The following NDUFA12 variants were observed in gnomAD, a reference collection of about 807,000 sequenced individuals.
NDUFA12 encodes the protein NADH dehydrogenase [ubiquinone] 1 alpha subcomplex subunit 12.
NDUFA12 carries 17 observed loss-of-function variants against 20.3 expected under a neutral mutation model. The observed-to-expected ratio is 0.84, with a 90% CI of 0.57 to 1.26. The LOEUF is 1.26. Among genes scored for constraint, NDUFA12 ranks in the 50% most tolerant of loss-of-function variants. NDUFA12 has a pLI of 0.00. For missense variants in NDUFA12, 191 were observed against 183.7 expected (o/e 1.04, Z -0.23); for synonymous variants, 72 against 63.6 (o/e 1.13, Z -0.63).
At chr12:94,990,379 T>C (rs1874598876) in intron 3 of NDUFA12, among the ~76,000 whole-genome samples, 1 of 152,158 alleles carries the variant, frequency 6.6e-6, no homozygotes, top group Non-Finnish European at 1.5e-5. Context: ...TGATGTAGCA[T>C]GAGAAAGCTC....
Position 95,003,634 on chromosome 12 carries a change from C to G in NDUFA12, c.47G>C (p.Gly16Ala). 6.2e-7 allele frequency: 1 copy of G among 1,614,198 alleles called. No individual in the cohort carries two copies. The highest frequency in any genetic ancestry group is 8.5e-7 in the Non-Finnish European group (1 of 1,180,032). Residue 16 changes from glycine to alanine, a missense_variant, in exon 1 of 4, where the codon GGC (glycine) becomes GCC (alanine). Gly to Ala is a moderately conservative substitution (Grantham distance 60). Transcript: ENST00000327772. ...TAGATAGCCTCGGAGACCGCCGTGG[C>G]CGGTGATCTGCTGCAGCCCGCGTTT... ...VLKRGLQQIT[G>A]HGGLRGYLRV...
chr12:95,001,449 G>A lies in NDUFA12; in HGVS notation c.169+1290C>T, dbSNP rs536711982. Among the ~76,000 whole-genome samples the A allele has an allele frequency of 5.3e-5, 8 of 151,908 alleles. No homozygotes were observed. The South Asian group carries it at 1.7e-3, about 32-fold the overall frequency. The stretch of plus-strand genomic sequence containing the variant: ...AGCCTAAGAAACATAGCAAGACCTC[G>A]TCTCTCCAAAAAAAAATTTTTTTAA... On this transcript the variant is annotated intron_variant, in intron 2 of 3. Coordinates refer to ENST00000327772, the MANE Select transcript of NDUFA12 (RefSeq NM_018838.5).
At chr12:94,978,542 T>C (rs1874134000) in intron 3 of NDUFA12, among the ~76,000 whole-genome samples, 1 of 152,124 alleles carries the variant, frequency 6.6e-6, no homozygotes, top group African/African-American at 2.4e-5. Flanking sequence ...ATTTGAAGAA[T>C]TGAAAAAACT....
intron 3 of NDUFA12, among the ~76,000 whole-genome samples, chr12:94,984,875 G>A (rs1219998355): frequency 6.6e-6 from 1 of 150,908 alleles, no homozygotes; most frequent in Non-Finnish European, 1.5e-5. Context: ...CTACTCGGGC[G>A]GCTGAGGCAG....
At chr12:94,983,428 T>C (rs2860598) in intron 3 of NDUFA12, among the ~76,000 whole-genome samples, 135,762 of 152,252 alleles carry the variant, frequency 0.89, 60,799 homozygotes, top group African/African-American at 0.97. Flanking sequence ...TGTCAAGAGG[T>C]GGCCTGTGCA....
intron 3 of NDUFA12, among the ~76,000 whole-genome samples, chr12:94,975,999 G>C (rs1383072845): frequency 1.3e-5 from 2 of 152,056 alleles, no homozygotes; most frequent in East Asian, 3.8e-4. Context: ...AGCCATGATC[G>C]TGCCTGGACA....
chr12:94,980,813 TTTG>T (rs1250335878), intron 3 of NDUFA12, among the ~76,000 whole-genome samples: 1 of 149,840 alleles, frequency 6.7e-6, no homozygotes, highest in African/African-American at 2.4e-5. Context: ...CATGTCTTGC[TTTG>T]TTTTTTTTTT....
chr12:94,986,246 GA>G (rs1025809077), intron 3 of NDUFA12, among the ~76,000 whole-genome samples: 1 of 149,912 alleles, frequency 6.7e-6, no homozygotes, highest in Non-Finnish European at 1.5e-5. Context: ...GTCTTCAAAA[GA>G]AAAAAAAAGA....
chr12:94,992,580 A>G (rs1438326966), intron 3 of NDUFA12, among the ~76,000 whole-genome samples: 1 of 152,218 alleles, frequency 6.6e-6, no homozygotes, highest in Non-Finnish European at 1.5e-5. Flanking sequence ...AATTGCCTCA[A>G]TCAATGGAAT....
chr12:94,984,486 C>A (rs551794410), intron 3 of NDUFA12, among the ~76,000 whole-genome samples: 2 of 151,662 alleles, frequency 1.3e-5, no homozygotes, highest in Non-Finnish European at 2.9e-5. Flanking sequence ...GCTGAGATTG[C>A]GCCATTGCAC....
At chr12:94,977,654 T>C (rs1344091875) in intron 3 of NDUFA12, among the ~76,000 whole-genome samples, 2 of 152,126 alleles carry the variant, frequency 1.3e-5, no homozygotes, top group African/African-American at 4.8e-5. Context: ...TTGGATCAGC[T>C]AAAGTGAAGA....
At chr12:94,983,272 C>A (rs961120807) in intron 3 of NDUFA12, among the ~76,000 whole-genome samples, 1 of 152,178 alleles carries the variant, frequency 6.6e-6, no homozygotes, top group African/African-American at 2.4e-5. Context: ...GGTATTCACA[C>A]CCTTGTATAA....
In NDUFA12 at chr12:94,971,760, A is replaced by G. The variant is rs762080072; in HGVS notation, c.258-140T>C. 3 of 935,066 alleles carry G rather than the reference A, an allele frequency of 3.2e-6. No individual in the cohort carries two copies. The South Asian group carries it at 3.9e-5, about 12-fold the overall frequency. The allele number at this position is 935,066 out of a possible 1,614,324, so 57.9% of individuals were successfully genotyped here. The stretch of plus-strand genomic sequence containing the variant: ...CATCAGTTACTAGCTGAATTCTTCT[A>G]TGCCTTAGATTTTTTCCATCTGAAC... On this transcript the variant is annotated intron_variant, in intron 3 of 3. Transcript: ENST00000327772.
At chr12:94,994,135 A>C in intron 3 of NDUFA12, 35 bp downstream of exon 3, 2 of 1,598,552 alleles carry the variant, frequency 1.3e-6, no homozygotes, top group Non-Finnish European at 1.7e-6. Context: ...AAAAAGAAAA[A>C]AAAGAAAGAC....
At chr12:95,002,337 C>A (rs1420662349) in intron 2 of NDUFA12, among the ~76,000 whole-genome samples, 1 of 145,868 alleles carries the variant, frequency 6.9e-6, no homozygotes, top group African/African-American at 2.5e-5. Flanking sequence ...ACTACTCAGG[C>A]AGGCTGAGGC....
intron 3 of NDUFA12, among the ~76,000 whole-genome samples, chr12:94,980,503 C>T (rs1343199397): frequency 2.0e-5 from 3 of 151,946 alleles, no homozygotes; most frequent in Non-Finnish European, 2.9e-5. Flanking sequence ...GCATCTTAAA[C>T]AAATTGGCCT....
chr12:94,998,666 A>T (rs1039089722), intron 2 of NDUFA12, among the ~76,000 whole-genome samples: 3 of 152,248 alleles, frequency 2.0e-5, no homozygotes, highest in African/African-American at 7.2e-5. Context: ...ACAAATCAGT[A>T]GCACAGCTAT....
chr12:95,002,487 G>T (rs1470002945), intron 2 of NDUFA12, among the ~76,000 whole-genome samples: 1 of 142,326 alleles, frequency 7.0e-6, no homozygotes, highest in Non-Finnish European at 1.5e-5. Flanking sequence ...TTCAAAATTT[G>T]ATAGGTGAAA....
intron 3 of NDUFA12, among the ~76,000 whole-genome samples, chr12:94,990,123 T>C (rs1010175280): frequency 3.3e-5 from 5 of 152,154 alleles, no homozygotes; most frequent in Non-Finnish European, 4.4e-5. Flanking sequence ...GCTCAATGCA[T>C]GCTGGGCTTA....
Sources: allele counts gnomAD v4.1 joint callset (sites outside exome capture counted in the v4.1 genomes callset), GRCh38; gene constraint gnomAD v4.1.1; transcripts MANE v1.5; gene names NCBI Gene and HGNC (gene_info 2026-07-23, HGNC 2026-07-21).